The following FER1L6 variants were observed in gnomAD, a reference collection of about 807,000 sequenced individuals.
FER1L6 encodes fer-1-like protein 6.
A neutral mutation model predicts 219.2 loss-of-function variants in FER1L6; 177 were observed. The ratio of observed to expected loss-of-function variants is 0.81; its 90% CI spans 0.71 to 0.91. The LOEUF (loss-of-function observed/expected upper bound fraction) is 0.91, where lower values mean the gene tolerates loss of function less well. FER1L6 is among the 40% of genes least tolerant of loss of function. The probability of loss-of-function intolerance (pLI) is 0.00; values close to 1 mark genes in which losing one functional copy is unlikely to be tolerated. For missense variants in FER1L6, 2,153 were observed against 2,259.9 expected, an observed-to-expected ratio of 0.95 and a Z score of 0.96; for synonymous variants, 768 against 824.3, an observed-to-expected ratio of 0.93 and a Z score of 1.17.
intron 1 of FER1L6, among the ~76,000 whole-genome samples, chr8:123,941,930 C>T (rs1233158727): frequency 6.6e-6 from 1 of 152,090 alleles, no homozygotes; most frequent in East Asian, 1.9e-4. Context: ...TAATCACTTC[C>T]CCCAGTGGTA....
intron 39 of FER1L6, among the ~76,000 whole-genome samples, chr8:124,109,861 G>A (rs964009262): frequency 2.0e-5 from 3 of 152,194 alleles, no homozygotes; most frequent in African/African-American, 7.2e-5. Context: ...GACTGTGGTA[G>A]TAACAAGCGT....
At chr8:123,913,649 T>A (rs370195395) in intron 1 of FER1L6, among the ~76,000 whole-genome samples, 1 of 152,156 alleles carries the variant, frequency 6.6e-6, no homozygotes, top group African/African-American at 2.4e-5. Flanking sequence ...CACTATTGCA[T>A]GATGAGTGGG....
At chr8:123,879,892 A>G (rs1817075665) in intron 1 of FER1L6, among the ~76,000 whole-genome samples, 1 of 152,206 alleles carries the variant, frequency 6.6e-6, no homozygotes, top group South Asian at 2.1e-4. Flanking sequence ...TGTCCATTGG[A>G]TGCTGCCTTA....
chr8:123,971,597 G>T (rs1281489930), intron 6 of FER1L6, among the ~76,000 whole-genome samples: 1 of 152,230 alleles, frequency 6.6e-6, no homozygotes, highest in Non-Finnish European at 1.5e-5. Context: ...AAGAAGAGAA[G>T]ACTTTAGTGT....
intron 11 of FER1L6, chr8:123,985,291 C>G (rs1816517043): frequency 6.6e-6 from 1 of 152,150 alleles, no homozygotes; most frequent in Non-Finnish European, 1.5e-5. Context: ...TATGAAGGCA[C>G]CTGTGATTCT....
chr8:124,017,852 G>T, intron 16 of FER1L6, 134 bp downstream of exon 16: 1 of 608,064 alleles, frequency 1.6e-6, no homozygotes, highest in Non-Finnish European at 2.9e-6. Context: ...AGAGTGAAAA[G>T]GGACTATTTG....
chr8:124,031,951 A>G (rs747268171), intron 18 of FER1L6, among the ~76,000 whole-genome samples: 1 of 152,210 alleles, frequency 6.6e-6, no homozygotes, highest in Admixed American at 6.5e-5. Flanking sequence ...TCCAATTTGC[A>G]TATATTTTTT....
intron 12 of FER1L6, among the ~76,000 whole-genome samples, chr8:123,988,114 CAA>C (rs1200130926): frequency 1.4e-5 from 2 of 141,464 alleles, no homozygotes; most frequent in Admixed American, 7.0e-5. Flanking sequence ...CAGCATGTCT[CAA>C]AAAAAAAAAG....
At chr8:123,913,108 T>C (rs919379891) in intron 1 of FER1L6, among the ~76,000 whole-genome samples, 8 of 152,170 alleles carry the variant, frequency 5.3e-5, no homozygotes, top group African/African-American at 1.9e-4. Context: ...TTTTATTGCT[T>C]GTTTCTGGGA....
chr8:124,042,646 G>A (rs1819555963), intron 20 of FER1L6, among the ~76,000 whole-genome samples: 1 of 152,130 alleles, frequency 6.6e-6, no homozygotes, highest in Non-Finnish European at 1.5e-5. Context: ...GTCTGCAGGT[G>A]ACATGCCCCC....
chr8:123,888,242 G>A (rs1474076810), intron 1 of FER1L6, among the ~76,000 whole-genome samples: 2 of 151,700 alleles, frequency 1.3e-5, no homozygotes, highest in African/African-American at 2.4e-5. Context: ...TTAGCCTCCC[G>A]AGTAGCTGGG....
intron 1 of FER1L6, among the ~76,000 whole-genome samples, chr8:123,873,497 T>C (rs985355371): frequency 1.3e-5 from 2 of 152,212 alleles, no homozygotes; most frequent in African/African-American, 4.8e-5. Context: ...TTATTGAACT[T>C]TGAAGCGGAA....
At chr8:123,977,375 C>T in intron 9 of FER1L6, 42 bp from the exon 10 acceptor site, 1 of 1,565,198 alleles carries the variant, frequency 6.4e-7, no homozygotes, top group Non-Finnish European at 8.7e-7. Context: ...TGTAGTCAGT[C>T]AGTCCCTTCC....
At chr8:124,104,915 T>G (rs1448806232) in intron 39 of FER1L6, among the ~76,000 whole-genome samples, 1 of 152,186 alleles carries the variant, frequency 6.6e-6, no homozygotes, top group East Asian at 1.9e-4. Flanking sequence ...AAGACATGAG[T>G]AATACAGACA....
rs1203162310 is a variant in FER1L6 at position 123,945,345 on chromosome 8, C to A, written c.-7-10647C>A. 2.6e-5 allele frequency among the ~76,000 whole-genome samples: 4 copies of A among 152,160 alleles called. 1 individual carries two copies. Among genetic ancestry groups the A allele is most frequent in the Non-Finnish European group, 4.4e-5 (3 of 68,032 alleles). ...TTCTGCAAAAATAATTTATAAAGAA[C>A]CTGAGCAGAGCCTGTGCAATGAGGG... is the stretch of plus-strand genomic sequence containing the variant. On this transcript the variant is annotated intron_variant, in intron 1 of 40. Transcript: ENST00000522917.
chr8:124,093,605 A>G (rs900119096), intron 34 of FER1L6, among the ~76,000 whole-genome samples: 3 of 152,014 alleles, frequency 2.0e-5, no homozygotes, highest in Non-Finnish European at 2.9e-5. Context: ...AAGCCAACTT[A>G]GTTCTTTGGT....
At chr8:124,075,194 G>A (rs1485505603) in intron 31 of FER1L6, among the ~76,000 whole-genome samples, 2 of 152,028 alleles carry the variant, frequency 1.3e-5, no homozygotes, top group South Asian at 2.1e-4. Flanking sequence ...AACTTTTGAC[G>A]CTGGTCAAAA....
rs554656082 is a variant in FER1L6 at position 123,903,767 on chromosome 8, T to C, written c.-8+51582T>C. Among the ~76,000 whole-genome samples, 3 of 152,290 alleles carry C rather than the reference T, an allele frequency of 2.0e-5. No individual in the cohort carries two copies. In the South Asian group the frequency reaches 6.2e-4, roughly 32 times the overall value. ...ACTGTAGAATGTTCCTCAGGAGCCA[T>C]GTGCCACTGCTGGGAATACCGCCCT... is the stretch of plus-strand genomic sequence containing the variant. On this transcript the variant is annotated intron_variant, in intron 1 of 40. Coordinates refer to ENST00000522917, the MANE Select transcript of FER1L6 (RefSeq NM_001039112.2).
chr8:124,101,324 C>T lies in FER1L6; in HGVS notation c.5111C>T (p.Ser1704Leu), dbSNP rs1398672023. Residue 1704 changes from serine to leucine, a missense_variant, in exon 38 of 41, where the codon TCA (serine) becomes TTA (leucine). Transcript: ENST00000522917. ...LQVWDFERLS[S>L]DDFLGTLEMN... ...GTTTGGGATTTTGAAAGGCTGTCCT[C>T]AGATGACTTCCTGGGTAAGCCAGTG... The T allele has an allele frequency of 6.2e-7, 1 of 1,613,136 alleles. No individual in the cohort carries two copies. Among genetic ancestry groups the T allele is most frequent in the East Asian group, 2.2e-5 (1 of 44,836 alleles).
Sources: allele counts gnomAD v4.1 joint callset (sites outside exome capture counted in the v4.1 genomes callset), GRCh38; gene constraint gnomAD v4.1.1; transcripts MANE v1.5; gene names NCBI Gene and HGNC (gene_info 2026-07-23, HGNC 2026-07-21).